Variants in KIAA0040 observed in about 807,000 individuals in gnomAD.
KIAA0040 encodes the protein KIAA0040.
In KIAA0040, 10 loss-of-function variants were observed where a neutral mutation model predicts 7.2. The observed-to-expected ratio is 1.38, with a 90% CI of 0.85 to 2.34. KIAA0040 has a LOEUF of 2.34. KIAA0040 is among the 30% of genes most tolerant of loss of function. The probability of loss-of-function intolerance (pLI) is 0.00; values close to 1 mark genes in which losing one functional copy is unlikely to be tolerated. For synonymous variants in KIAA0040, 49 were observed against 40.1 expected (o/e 1.22, Z -0.84); for missense variants, 89 against 108.2 (o/e 0.82, Z 0.79).
intron 1 of KIAA0040, among the ~76,000 whole-genome samples, chr1:175,179,613 T>C (rs1677355973): frequency 1.3e-5 from 2 of 152,132 alleles, no homozygotes; most frequent in South Asian, 4.1e-4. Context: ...TGCAATCAGT[T>C]CTCCCTCCTT....
At position 175,157,647 on chromosome 1, in the gene KIAA0040, G is replaced by A. The variant is rs888597067; in HGVS notation, c.*3067C>T. On this transcript the variant is annotated 3_prime_UTR_variant, in exon 4 of 4. Transcript: ENST00000423313. Reference sequence around the variant, plus strand: ...AGCTTGGACCCTTTATATTTTTCTTGGAAAGGTGGCTGCCATTTTTCTACC... The same window carrying A: ...AGCTTGGACCCTTTATATTTTTCTTAGAAAGGTGGCTGCCATTTTTCTACC... 7.2e-5 allele frequency: 11 copies of A among 151,794 alleles called. No individual in the cohort carries two copies. The highest frequency in any genetic ancestry group is 2.2e-4 in the African/African-American group (9 of 41,290). 9.4% of individuals were successfully genotyped at this position (151,794 alleles called of 1,614,324 possible).
intron 1 of KIAA0040, among the ~76,000 whole-genome samples, chr1:175,184,795 C>G (rs1677591109): frequency 6.6e-6 from 1 of 152,170 alleles, no homozygotes; most frequent in African/African-American, 2.4e-5. Flanking sequence ...AAGTCTACAG[C>G]CTAGGGCCAG....
At chr1:175,174,431 C>G (rs1218982302) in intron 2 of KIAA0040, among the ~76,000 whole-genome samples, 11 of 152,208 alleles carry the variant, frequency 7.2e-5, no homozygotes, top group African/African-American at 2.7e-4. Context: ...GTTCAGTTGT[C>G]CTCCAGGCCT....
rs1368037739 is a variant in KIAA0040, at chr1:175,159,839, G to A, written c.*875C>T. On this transcript the variant is annotated 3_prime_UTR_variant, in exon 4 of 4. Coordinates refer to ENST00000423313, the MANE Select transcript of KIAA0040 (RefSeq NM_014656.3). ...TCACCACCAAGAGCTCTTTGTTCTTGCTTGGAGAAAGGCACTTTGCTGAGT... is the reference window on the plus strand; with the variant it reads ...TCACCACCAAGAGCTCTTTGTTCTTACTTGGAGAAAGGCACTTTGCTGAGT... The A allele has an allele frequency of 6.6e-6, 1 of 152,168 alleles. No individual in the cohort carries two copies. The highest frequency in any genetic ancestry group is 1.5e-5 in the Non-Finnish European group (1 of 68,036). 9.4% of individuals were successfully genotyped at this position (152,168 alleles called of 1,614,324 possible). A position where few individuals can be genotyped will look rare whatever the true frequency, so the allele number is the denominator to read the frequency against.
rs2101869951 is a variant in KIAA0040 at position 175,159,340 on chromosome 1, A to T, written c.*1374T>A. On this transcript the variant is annotated 3_prime_UTR_variant, in exon 4 of 4. Transcript: ENST00000423313. ...CACCTACATGTGCTCTCCAGCATTA[A>T]ACACCCAATTTCATCCATTGCAGCA... 6.6e-6 allele frequency: 1 copy of T among 152,330 alleles called. No homozygotes were observed. The highest frequency in any genetic ancestry group is 2.4e-5 in the African/African-American group (1 of 41,564). 9.4% of individuals were successfully genotyped at this position (152,330 alleles called of 1,614,324 possible).
chr1:175,168,983 G>A (rs1676880104), intron 2 of KIAA0040, among the ~76,000 whole-genome samples: 1 of 152,184 alleles, frequency 6.6e-6, no homozygotes, highest in Admixed American at 6.5e-5. Flanking sequence ...AAGAGCCCTG[G>A]GGATGGCAGA....
In KIAA0040 at chr1:175,182,669, G is replaced by A. The variant is rs564394172; in HGVS notation, c.-383-4985C>T. Among the ~76,000 whole-genome samples the A allele has an allele frequency of 9.0e-4, 137 of 152,290 alleles. 2 individuals carry two copies. The highest frequency in any genetic ancestry group is 3.3e-3 in the African/African-American group (136 of 41,564). The stretch of plus-strand genomic sequence containing the variant: ...GATGGACCAGCCTGGGTCAAAGCCT[G>A]GTCCCACCACACACTGGCTTCTGAA... On this transcript the variant is annotated intron_variant, in intron 1 of 3. Coordinates refer to ENST00000423313, the MANE Select transcript of KIAA0040 (RefSeq NM_014656.3).
intron 2 of KIAA0040, among the ~76,000 whole-genome samples, chr1:175,168,395 C>T (rs933806172): frequency 7.9e-5 from 12 of 152,012 alleles, no homozygotes; most frequent in African/African-American, 2.9e-4. Context: ...CTCTTTTCCC[C>T]CCAGAGTATA....
intron 1 of KIAA0040, among the ~76,000 whole-genome samples, chr1:175,179,827 T>C (rs1677366171): frequency 6.6e-6 from 1 of 152,210 alleles, no homozygotes. Context: ...GTTCCAAATT[T>C]GTTCAAAATT....
chr1:175,165,550 C>T (rs1420670851), intron 3 of KIAA0040, among the ~76,000 whole-genome samples: 2 of 152,180 alleles, frequency 1.3e-5, no homozygotes, highest in South Asian at 2.1e-4. Flanking sequence ...AATAATCTCC[C>T]TAATATGGTT....
At chr1:175,179,673 C>T (rs1245031764) in intron 1 of KIAA0040, among the ~76,000 whole-genome samples, 1 of 152,172 alleles carries the variant, frequency 6.6e-6, no homozygotes, top group Non-Finnish European at 1.5e-5. Flanking sequence ...GGTGAAAGTC[C>T]AATGAATATC....
At chr1:175,163,104 C>T (rs1176711142) in intron 3 of KIAA0040, among the ~76,000 whole-genome samples, 1 of 152,198 alleles carries the variant, frequency 6.6e-6, no homozygotes, top group Non-Finnish European at 1.5e-5. Context: ...GAGAGTTTGG[C>T]TCCAGATCCG....
intron 1 of KIAA0040, among the ~76,000 whole-genome samples, chr1:175,191,464 G>A (rs1349959981): frequency 6.6e-6 from 1 of 152,232 alleles, no homozygotes; most frequent in African/African-American, 2.4e-5. Flanking sequence ...CAAAAGGAAA[G>A]ACTTGGTCAG....
intron 2 of KIAA0040, among the ~76,000 whole-genome samples, chr1:175,170,197 T>C (rs981907904): frequency 6.6e-6 from 1 of 152,040 alleles, no homozygotes; most frequent in Non-Finnish European, 1.5e-5. Flanking sequence ...GGCACATCCA[T>C]GAGAGAGGGC....
At chr1:175,179,746 C>G (rs753450954) in intron 1 of KIAA0040, among the ~76,000 whole-genome samples, 4 of 152,186 alleles carry the variant, frequency 2.6e-5, no homozygotes, top group Non-Finnish European at 4.4e-5. Flanking sequence ...CTTCAATCTA[C>G]TGTAATTTGT....
rs1301346603 is a variant in KIAA0040, at chr1:175,192,766, G to A, written c.-510C>T. 6.6e-6 allele frequency: 1 copy of A among 152,250 alleles called. No homozygotes were observed. The highest frequency in any genetic ancestry group is 1.9e-4 in the East Asian group (1 of 5,150). 9.4% of individuals were successfully genotyped at this position (152,250 alleles called of 1,614,324 possible). ...TTGGTTGCCTCTGCACTCCCACCCCGAGCCAGGTCTGGCGTGTAGGGCCCC... is the reference window on the plus strand; with the variant it reads ...TTGGTTGCCTCTGCACTCCCACCCCAAGCCAGGTCTGGCGTGTAGGGCCCC... On this transcript the variant is annotated 5_prime_UTR_variant, in exon 1 of 4. Transcript: ENST00000423313.
At chr1:175,161,355 G>T (rs1676535861) in intron 3 of KIAA0040, among the ~76,000 whole-genome samples, 1 of 152,158 alleles carries the variant, frequency 6.6e-6, no homozygotes, top group African/African-American at 2.4e-5. Context: ...ACATTATATT[G>T]GGCTTAGGAT....
intron 1 of KIAA0040, among the ~76,000 whole-genome samples, chr1:175,181,756 T>G (rs1677447212): frequency 6.6e-6 from 1 of 152,146 alleles, no homozygotes; most frequent in Admixed American, 6.5e-5. Flanking sequence ...CAGACTTCGA[T>G]GAGGGTGTGA....
rs1256464583 is a variant in KIAA0040, at chr1:175,158,501, C to G, written c.*2213G>C. 1 of 152,176 alleles carries G rather than the reference C, an allele frequency of 6.6e-6. No individual in the cohort carries two copies. The highest frequency in any genetic ancestry group is 2.4e-5 in the African/African-American group (1 of 41,412). The allele number at this position is 152,176 out of a possible 1,614,324, so 9.4% of individuals were successfully genotyped here. On this transcript the variant is annotated 3_prime_UTR_variant, in exon 4 of 4. Transcript: ENST00000423313. ...GACACTACGTCTCAGCTGTCAGCCT[C>G]CACCTCTCCCCAGCCATCCATTCTA...
Sources: gnomAD v4.1 joint callset for allele counts (sites outside exome capture counted in the v4.1 genomes callset) on GRCh38, gnomAD v4.1.1 for gene constraint, MANE v1.5 for transcripts, NCBI Gene and HGNC (gene_info 2026-07-23, HGNC 2026-07-21) for gene names.